The following NT5DC2 variants were observed in gnomAD, a reference collection of about 807,000 sequenced individuals.
NT5DC2 encodes 5'-nucleotidase domain-containing protein 2.
A neutral mutation model predicts 70.0 loss-of-function variants in NT5DC2; 41 were observed. The ratio of observed to expected loss-of-function variants is 0.59; its 90% CI spans 0.46 to 0.76. The LOEUF is 0.76. Among genes scored for constraint, NT5DC2 ranks in the 30% least tolerant of loss-of-function variants. NT5DC2 has a pLI of 0.00. For missense variants in NT5DC2, 705 were observed against 783.2 expected, an observed-to-expected ratio of 0.90 and a Z score of 1.19; for synonymous variants, 299 against 310.4, an observed-to-expected ratio of 0.96 and a Z score of 0.39.
Position 52,528,533 on chromosome 3 carries a change from G to A in NT5DC2, c.555C>T (p.Leu185=). Residue 185 remains leucine, a synonymous_variant, in exon 5 of 14, where the codon CTC becomes CTT. Transcript: ENST00000422318. ...TCACCTCCTCGTCTGGCACAGGCTG[G>A]AGGCCCCTGAGCAGGCCCAAGATAC... ...YVQLGTAYRG[L]QPVPDEEVIE... 3 of 1,612,038 alleles carry A rather than the reference G, an allele frequency of 1.9e-6. No homozygotes were observed. The highest frequency in any genetic ancestry group is 2.5e-6 in the Non-Finnish European group (3 of 1,179,478).
intron 1 of NT5DC2, 140 bp downstream of exon 1, chr3:52,533,366 A>T (rs1282796839): frequency 1.1e-6 from 1 of 911,116 alleles, no homozygotes; most frequent in East Asian, 3.7e-5. Context: ...TTCTCGCGAA[A>T]AGCCGCCCGG....
intron 1 of NT5DC2, 89 bp downstream of exon 1, chr3:52,533,417 T>C: frequency 7.4e-7 from 1 of 1,349,180 alleles, no homozygotes; most frequent in Non-Finnish European, 9.8e-7. Flanking sequence ...ACTGGGTGTT[T>C]CCCCGGAGGA....
rs1195551555 is a variant in NT5DC2 at position 52,525,297 on chromosome 3, T to G, written c.1120-2A>C. The G allele has an allele frequency of 6.2e-7, 1 of 1,611,604 alleles. No individual in the cohort carries two copies. The highest frequency in any genetic ancestry group is 1.3e-5 in the African/African-American group (1 of 74,896). The stretch of plus-strand genomic sequence containing the variant: ...GCGTAAGAAGTCAAACAGGTTTCCC[T>G]AGGGAGAGGAGGGGAATGCTGCTGA... On this transcript the variant is annotated splice_acceptor_variant, in intron 10 of 13. Coordinates refer to ENST00000422318, the MANE Select transcript of NT5DC2 (RefSeq NM_001134231.2). LOFTEE classifies it high-confidence loss of function.
chr3:52,530,901 C>T (rs2079350634), intron 1 of NT5DC2, among the ~76,000 whole-genome samples: 1 of 152,124 alleles, frequency 6.6e-6, no homozygotes, highest in African/African-American at 2.4e-5. Context: ...AGGGAGCAGG[C>T]AGGACTAGAT....
At chr3:52,528,355 C>T (rs748054021) in intron 5 of NT5DC2, 44 bp from the exon 6 acceptor site, 5 of 1,613,130 alleles carry the variant, frequency 3.1e-6, no homozygotes, top group Admixed American at 3.3e-5. Context: ...GGGACCCCAA[C>T]CCCTTCAGTG....
At chr3:52,527,205 G>T in intron 10 of NT5DC2, 89 bp downstream of exon 10, 11 of 1,251,392 alleles carry the variant, frequency 8.8e-6, no homozygotes, top group Admixed American at 1.7e-5. Flanking sequence ...GAGCTGTGCT[G>T]CTTCTTCAGA....
At position 52,525,025 on chromosome 3, in the gene NT5DC2, C is replaced by T. The variant is rs1306903264; in HGVS notation, c.1285G>A (p.Glu429Lys). 2 of 1,609,146 alleles carry T rather than the reference C, an allele frequency of 1.2e-6. No individual in the cohort carries two copies. The highest frequency in any genetic ancestry group is 1.7e-6 in the Non-Finnish European group (2 of 1,178,468). ...CACGTCAGCGAGTGCATGTACTGCT[C>T]CGTGTTGATGATGCGGATCTCACGC... is the stretch of plus-strand genomic sequence containing the variant. Reference protein sequence around the residue: ...LEREIRIINTEQYMHSLTWQQ... With the variant: ...LEREIRIINTKQYMHSLTWQQ... Residue 429 changes from glutamate (E) to lysine (K), a missense_variant, in exon 12 of 14, where the codon GAG becomes AAG. Glu to Lys is a moderately conservative substitution (Grantham distance 56). Coordinates refer to ENST00000422318, the MANE Select transcript of NT5DC2 (RefSeq NM_001134231.2).
chr3:52,533,944 G>A, upstream of NT5DC2: 2 of 538,120 alleles, frequency 3.7e-6, no homozygotes, highest in Non-Finnish European at 4.7e-6. Flanking sequence ...GGGCGGGGCG[G>A]GGCGGGGAGG....
In NT5DC2 at chr3:52,529,121, T is replaced by C. The variant is rs946915353; in HGVS notation, c.417+29A>G. ...GTCTGGCCAGCCTCCAAGCCCTGGG[T>C]TTGTTGGTGGCAAGGACCCCCGTCT... On this transcript the variant is annotated intron_variant, in intron 2 of 13. Transcript: ENST00000422318. The surrounding 1 kb of genome is among the most constrained non-coding windows in gnomAD (Gnocchi z 4.1). 1 of 1,612,966 alleles carries C rather than the reference T, an allele frequency of 6.2e-7. No homozygotes were observed. The highest frequency in any genetic ancestry group is 1.3e-5 in the African/African-American group (1 of 74,832).
At chr3:52,533,900 T>G, upstream of NT5DC2, 1 of 900,370 alleles carries the variant, frequency 1.1e-6, no homozygotes, top group Non-Finnish European at 1.3e-6. Context: ...GGCGCGCCCC[T>G]CGGCCCGGGG....
In NT5DC2 at chr3:52,527,912, C is replaced by T; in HGVS notation, c.852G>A (p.Gly284=). 6.2e-7 allele frequency: 1 copy of T among 1,613,582 alleles called. No individual in the cohort carries two copies. Among genetic ancestry groups the T allele is most frequent in the Non-Finnish European group, 8.5e-7 (1 of 1,180,034 alleles). Residue 284 remains glycine (G), a synonymous_variant, in exon 8 of 14, where the codon GGG becomes GGA. Transcript: ENST00000422318. ...GGCTCAGGACAGCAAACGTCTCATC[C>T]CCTCTCAGGATGTACTTCTCTAATG... ...EQDMEKYILR[G]DETFAVLSRL...
intron 10 of NT5DC2, 107 bp from the exon 11 acceptor site, chr3:52,525,402 C>T: frequency 1.2e-6 from 1 of 802,346 alleles, no homozygotes. Context: ...TGCTGGCTGC[C>T]CTTTCCCATG....
intron 10 of NT5DC2, among the ~76,000 whole-genome samples, chr3:52,526,698 T>G (rs1039975115): frequency 2.0e-5 from 3 of 152,248 alleles, no homozygotes; most frequent in African/African-American, 7.2e-5. Context: ...CTTGCATTGT[T>G]GCCCAGGCTA....
intron 1 of NT5DC2, among the ~76,000 whole-genome samples, 154 bp downstream of exon 1, chr3:52,533,352 G>C (rs1488791245): frequency 6.6e-6 from 1 of 152,082 alleles, no homozygotes; most frequent in Non-Finnish European, 1.5e-5. Flanking sequence ...TGAACGGCCG[G>C]AGCTTCTCGC....
intron 11 of NT5DC2, 47 bp from the exon 12 acceptor site, chr3:52,525,150 G>A (rs1052877784): frequency 5.5e-6 from 8 of 1,462,100 alleles, no homozygotes; most frequent in Non-Finnish European, 7.3e-6. Context: ...GTTGCTGGGG[G>A]CGGGGGGGGG....
chr3:52,533,550 G>T lies in NT5DC2; in HGVS notation c.188C>A (p.Ala63Glu). The T allele has an allele frequency of 7.2e-7, 1 of 1,383,144 alleles. No homozygotes were observed. 85.7% of individuals were successfully genotyped at this position (1,383,144 alleles called of 1,614,324 possible). A position where few individuals can be genotyped will look rare whatever the true frequency, so the allele number is the denominator to read the frequency against. ...GTCCTGGTAGCGAGCCCATAGGTGC[G>T]CGCTGAGGTCGGCGCCGCTGGTGGG... ...QAPTSGADLSAHLWARYQDMR... is the reference protein window; with the variant it reads ...QAPTSGADLSEHLWARYQDMR... The change falls in exon 1 of 14, where the codon GCG becomes GAG. Residue 63 changes from alanine to glutamate, a missense_variant. Transcript: ENST00000422318.
Position 52,528,325 on chromosome 3 carries a change from C to A in NT5DC2, c.643-14G>T. ...AATGGAGGGACCCTGGGGAGGGGGC[C>A]ATTGTCTCAGACACCCTTTGGGACC... On this transcript the variant is annotated splice_polypyrimidine_tract_variant and intron_variant, in intron 5 of 13. Transcript: ENST00000422318. The A allele has an allele frequency of 6.2e-7, 1 of 1,613,168 alleles. No individual in the cohort carries two copies. The highest frequency in any genetic ancestry group is 8.5e-7 in the Non-Finnish European group (1 of 1,179,996).
Position 52,528,434 on chromosome 3 carries a change from G to C in NT5DC2, c.642+12C>G. On this transcript the variant is annotated intron_variant, in intron 5 of 13. Coordinates refer to ENST00000422318, the MANE Select transcript of NT5DC2 (RefSeq NM_001134231.2). The stretch of plus-strand genomic sequence containing the variant: ...GTCCATGGGGCAGGCTGGCTGCTGG[G>C]GTATGGAGTACCTTGCCATAGAAGC... 1 of 1,613,340 alleles carries C rather than the reference G, an allele frequency of 6.2e-7. No individual in the cohort carries two copies. Among genetic ancestry groups the C allele is most frequent in the East Asian group, 2.2e-5 (1 of 44,876 alleles).
upstream of NT5DC2, chr3:52,533,947 C>G (rs928611134): frequency 1.9e-6 from 1 of 536,378 alleles, no homozygotes; most frequent in African/African-American, 2.1e-5. Flanking sequence ...CGGGGCGGGG[C>G]GGGGAGGGCT....
Sources: gnomAD v4.1 joint callset for allele counts (sites outside exome capture counted in the v4.1 genomes callset) on GRCh38, gnomAD v4.1.1 for gene constraint, Gnocchi (gnomAD v3.1) non-coding constraint, MANE v1.5 for transcripts, NCBI Gene and HGNC (gene_info 2026-07-23, HGNC 2026-07-21) for gene names.